SV2C: variants seen among roughly 807,000 people sequenced by gnomAD.
SV2C encodes solute carrier family 22 member B3.
SV2C carries 49 observed loss-of-function variants against 79.7 expected under a neutral mutation model. The observed-to-expected ratio is 0.61, with a 90% confidence interval of 0.49 to 0.78. The LOEUF (loss-of-function observed/expected upper bound fraction) is 0.78, where lower values mean the gene tolerates loss of function less well. Ranked by LOEUF, SV2C falls within the 30% of genes least tolerant of loss-of-function variation. SV2C has a pLI of 0.00. For missense variants in SV2C, 833 were observed against 912.9 expected, an observed-to-expected ratio of 0.91 and a Z score of 1.13; for synonymous variants, 334 against 333.2, an observed-to-expected ratio of 1.00 and a Z score of -0.03.
At chr5:76,028,392 ATT>A in the SV2C span, among the ~76,000 whole-genome samples, 62 of 152,148 alleles carry the variant, frequency 4.1e-4, no homozygotes, top group Non-Finnish European at 7.8e-4. Flanking sequence ...TTCATTAAAC[ATT>A]TTCTGGAATT....
the SV2C span, among the ~76,000 whole-genome samples, chr5:75,893,802 C>T: frequency 3.3e-5 from 5 of 152,004 alleles, no homozygotes; most frequent in East Asian, 9.7e-4. Context: ...ATGTACTTTA[C>T]CCTGCCATAT....
chr5:76,065,209 A>C, the SV2C span, among the ~76,000 whole-genome samples: 2 of 152,228 alleles, frequency 1.3e-5, no homozygotes, highest in Non-Finnish European at 2.9e-5. Flanking sequence ...GTGGTTTTTA[A>C]AATATAATTG....
the SV2C span, among the ~76,000 whole-genome samples, chr5:75,957,354 A>G: frequency 0.017 from 2,574 of 152,154 alleles, 55 homozygotes; most frequent in African/African-American, 0.044. Flanking sequence ...ATTATAGCCA[A>G]TAACTATGAG....
chr5:76,064,877 C>T, the SV2C span, among the ~76,000 whole-genome samples: 1 of 152,056 alleles, frequency 6.6e-6, no homozygotes, highest in Non-Finnish European at 1.5e-5. Context: ...ATTCTAAGAA[C>T]AATGTATTTA....
At chr5:76,163,384 A>G (rs1173235606) in intron 2 of SV2C, among the ~76,000 whole-genome samples, 1 of 152,260 alleles carries the variant, frequency 6.6e-6, no homozygotes, top group Non-Finnish European at 1.5e-5. Flanking sequence ...ATGAATGTGT[A>G]CATGGGGGAC....
chr5:76,064,340 G>A, the SV2C span, among the ~76,000 whole-genome samples: 1 of 152,248 alleles, frequency 6.6e-6, no homozygotes, highest in Non-Finnish European at 1.5e-5. Context: ...TTCCACAAGG[G>A]CTCCTCCCAC....
intron 2 of SV2C, among the ~76,000 whole-genome samples, chr5:76,151,374 G>A (rs1289454139): frequency 1.3e-5 from 2 of 152,204 alleles, no homozygotes; most frequent in Non-Finnish European, 2.9e-5. Context: ...ATTCATTTTG[G>A]TGCCAATGGG....
At chr5:75,942,600 C>T in the SV2C span, among the ~76,000 whole-genome samples, 1 of 152,244 alleles carries the variant, frequency 6.6e-6, no homozygotes, top group South Asian at 2.1e-4. Flanking sequence ...GTTCCTTTGG[C>T]CTTTTCTACA....
chr5:76,118,285 C>G (rs1010405765), intron 1 of SV2C, among the ~76,000 whole-genome samples: 15 of 152,162 alleles, frequency 9.9e-5, no homozygotes, highest in Non-Finnish European at 1.8e-4. Context: ...CTTCTCTCTT[C>G]TGTCTGTTAT....
intron 12 of SV2C, among the ~76,000 whole-genome samples, chr5:76,313,026 A>G (rs1335099864): frequency 1.3e-5 from 2 of 152,106 alleles, no homozygotes; most frequent in East Asian, 3.9e-4. Context: ...TCTCTTACTG[A>G]CCAGCTGTGC....
chr5:75,858,973 T>G, the SV2C span, among the ~76,000 whole-genome samples: 1 of 152,088 alleles, frequency 6.6e-6, no homozygotes, highest in Non-Finnish European at 1.5e-5. Context: ...TTATTTGGGT[T>G]TTCTCTCTTT....
At chr5:76,236,392 G>A (rs939016501) in intron 4 of SV2C, among the ~76,000 whole-genome samples, 24 of 151,844 alleles carry the variant, frequency 1.6e-4, no homozygotes, top group Admixed American at 5.9e-4. Context: ...GTGAAACCCC[G>A]TCTCTACTAA....
At chr5:75,976,102 A>G in the SV2C span, among the ~76,000 whole-genome samples, 1 of 152,180 alleles carries the variant, frequency 6.6e-6, no homozygotes, top group East Asian at 1.9e-4. Context: ...AATGGCAGGT[A>G]TAGTTAATCG....
intron 2 of SV2C, among the ~76,000 whole-genome samples, chr5:76,162,108 G>T (rs1742913439): frequency 6.6e-6 from 1 of 152,088 alleles, no homozygotes; most frequent in African/African-American, 2.4e-5. Flanking sequence ...AGAGTAATAA[G>T]CTCTGTGAGC....
chr5:76,147,426 C>T (rs1749472384), intron 2 of SV2C, among the ~76,000 whole-genome samples: 1 of 152,148 alleles, frequency 6.6e-6, no homozygotes, highest in Admixed American at 6.6e-5. Context: ...CTTGAAGTTT[C>T]ACAGGAATCA....
At chr5:75,871,382 G>T in the SV2C span, among the ~76,000 whole-genome samples, 125 of 152,142 alleles carry the variant, frequency 8.2e-4, 2 homozygotes, top group Non-Finnish European at 4.0e-4. Context: ...ATGGGAAAAA[G>T]AATTGAGAAG....
At chr5:76,239,194 C>A (rs1199269720) in intron 4 of SV2C, among the ~76,000 whole-genome samples, 3 of 152,110 alleles carry the variant, frequency 2.0e-5, no homozygotes, top group African/African-American at 7.2e-5. Flanking sequence ...GAGATCTCAT[C>A]CCTCATTATC....
chr5:76,039,970 A>C, the SV2C span, among the ~76,000 whole-genome samples: 1 of 152,148 alleles, frequency 6.6e-6, no homozygotes, highest in African/African-American at 2.4e-5. Flanking sequence ...CCAAAATTCA[A>C]GCTACATAAG....
chr5:75,911,902 C>A, the SV2C span: 7 of 502,120 alleles, frequency 1.4e-5, no homozygotes, highest in Non-Finnish European at 2.4e-5. Context: ...TCTCACCCCA[C>A]ACCTCCCCAA....
Sources: allele counts gnomAD v4.1 joint callset (sites outside exome capture counted in the v4.1 genomes callset), GRCh38; gene constraint gnomAD v4.1.1; transcripts MANE v1.5; gene names NCBI Gene and HGNC (gene_info 2026-07-23, HGNC 2026-07-21).